The following MIDEAS variants were observed in gnomAD, a reference collection of about 807,000 sequenced individuals.
MIDEAS encodes mitotic deacetylase associated SANT domain protein, also known as mitotic deacetylase-associated SANT domain protein.
A neutral mutation model predicts 102.7 loss-of-function variants in MIDEAS; 26 were observed. The observed-to-expected ratio is 0.25, with a 90% CI of 0.19 to 0.35. The LOEUF (loss-of-function observed/expected upper bound fraction) is 0.35, where lower values mean the gene tolerates loss of function less well. Among genes scored for constraint, MIDEAS ranks in the 10% least tolerant of loss-of-function variants. The pLI, the probability that MIDEAS is intolerant of heterozygous loss-of-function variation, is 1.00. For missense variants in MIDEAS, 1,231 were observed against 1,435.6 expected (o/e 0.86, Z 2.30); for synonymous variants, 585 against 591.0 (o/e 0.99, Z 0.15).
At position 73,778,356 on chromosome 14, in the gene MIDEAS, CTG is replaced by C. The variant is rs2053710612; in HGVS notation, c.-248+8744_-248+8745del. Among the ~76,000 whole-genome samples, 2 of 149,498 alleles carry C rather than the reference CTG, an allele frequency of 1.3e-5. 1 individual carries two copies. Among genetic ancestry groups the C allele is most frequent in the Admixed American group, 1.3e-4 (2 of 15,048 alleles). On this transcript the variant is annotated intron_variant, in intron 1 of 11. Coordinates refer to the MIDEAS transcript ENST00000394071. ...CCAGCCTGGGCGACAGAGCGAGACT[CTG>C]TCTCAAAAAAAAAAAAAACGTGATG... is the stretch of plus-strand genomic sequence containing the variant.
At chr14:73,763,036 A>C (rs888155371), upstream of MIDEAS, among the ~76,000 whole-genome samples, 5 of 152,152 alleles carry the variant, frequency 3.3e-5, no homozygotes, top group African/African-American at 1.2e-4. Flanking sequence ...CTAGACCATT[A>C]AAATCTTCCA....
chr14:73,727,442 G>A lies in MIDEAS; in HGVS notation c.2162+16C>T. 1 of 1,613,844 alleles carries A rather than the reference G, an allele frequency of 6.2e-7. No homozygotes were observed. Among genetic ancestry groups the A allele is most frequent in the South Asian group, 1.1e-5 (1 of 91,084 alleles). On this transcript the variant is annotated intron_variant, in intron 5 of 12. Coordinates refer to ENST00000423556, the MANE Select transcript of MIDEAS (RefSeq NM_001367710.1). ...GGCCACCCACACCCCTCGGCCAGGG[G>A]CAGGGCTGCACTTACGGCTCGATGC...
chr14:73,737,773 C>CTTTT (rs5809628), intron 2 of MIDEAS, among the ~76,000 whole-genome samples: 2 of 89,244 alleles, frequency 2.2e-5, no homozygotes, highest in African/African-American at 7.5e-5. Flanking sequence ...TCTCCGACCA[C>CTTTT]TTTTTTTTTT....
intron 3 of MIDEAS, among the ~76,000 whole-genome samples, chr14:73,736,128 A>C (rs1244453521): frequency 6.6e-6 from 1 of 151,920 alleles, no homozygotes; most frequent in Non-Finnish European, 1.5e-5. Flanking sequence ...TCCAGCCTGG[A>C]GGACAAGAGC....
chr14:73,768,798 T>G (rs2053614800), intron 1 of MIDEAS, among the ~76,000 whole-genome samples: 1 of 152,210 alleles, frequency 6.6e-6, no homozygotes, highest in Admixed American at 6.5e-5. Flanking sequence ...TGCCAATATT[T>G]TTTTTAAATC....
chr14:73,718,837 C>T lies in MIDEAS; in HGVS notation c.*6G>A. On this transcript the variant is annotated 3_prime_UTR_variant, in exon 13 of 13. Coordinates refer to ENST00000423556, the MANE Select transcript of MIDEAS (RefSeq NM_001367710.1). ...GCCCAGGACTGGGCCAGCCTGGCTCCCGCGCTCAGCCCTTGTCGCCCGCAC... is the reference window on the plus strand; with the variant it reads ...GCCCAGGACTGGGCCAGCCTGGCTCTCGCGCTCAGCCCTTGTCGCCCGCAC... 3.5e-6 allele frequency: 5 copies of T among 1,445,514 alleles called. No individual in the cohort carries two copies. The highest frequency in any genetic ancestry group is 4.5e-6 in the Non-Finnish European group (5 of 1,108,370). 89.5% of individuals were successfully genotyped at this position (1,445,514 alleles called of 1,614,324 possible). A position where few individuals can be genotyped will look rare whatever the true frequency, so the allele number is the denominator to read the frequency against.
At chr14:73,733,121 T>G (rs1329670670) in intron 3 of MIDEAS, among the ~76,000 whole-genome samples, 2 of 151,532 alleles carry the variant, frequency 1.3e-5, no homozygotes, top group Non-Finnish European at 2.9e-5. Context: ...AAAACAAAGC[T>G]GAAGTTTAGG....
chr14:73,780,341 C>T (rs899358570), intron 1 of MIDEAS, among the ~76,000 whole-genome samples: 1 of 152,192 alleles, frequency 6.6e-6, no homozygotes, highest in African/African-American at 2.4e-5. Flanking sequence ...AGGATTTCTT[C>T]CACCATCTCT....
intron 1 of MIDEAS, among the ~76,000 whole-genome samples, chr14:73,758,575 C>T (rs1035897177): frequency 6.6e-6 from 1 of 152,246 alleles, no homozygotes; most frequent in Admixed American, 6.5e-5. Flanking sequence ...CCGGGGCCTC[C>T]GTGGCCAGCC....
intron 1 of MIDEAS, among the ~76,000 whole-genome samples, chr14:73,755,313 A>T (rs1346528681): frequency 6.6e-6 from 1 of 151,260 alleles, no homozygotes; most frequent in Non-Finnish European, 1.5e-5. Flanking sequence ...CCTCAGGGAG[A>T]CCCCCAGCCC....
chr14:73,767,096 C>A (rs1048577749), intron 1 of MIDEAS, among the ~76,000 whole-genome samples: 17 of 151,974 alleles, frequency 1.1e-4, no homozygotes, highest in African/African-American at 3.9e-4. Flanking sequence ...CTCAAGTGAT[C>A]CGCTGGCCTC....
chr14:73,727,143 C>A, intron 5 of MIDEAS, 171 bp from the exon 6 acceptor site: 1 of 821,166 alleles, frequency 1.2e-6, no homozygotes, highest in Non-Finnish European at 1.9e-6. Context: ...CTGGCACCAC[C>A]AGAAAGGCAA....
At chr14:73,723,605 A>G (rs1462351497) in intron 9 of MIDEAS, 1 of 152,248 alleles carries the variant, frequency 6.6e-6, no homozygotes. Context: ...ATCAGAGAAC[A>G]AGAGAGAGCT....
At chr14:73,764,267 G>A (rs2053575260), upstream of MIDEAS, among the ~76,000 whole-genome samples, 1 of 149,400 alleles carries the variant, frequency 6.7e-6, no homozygotes, top group Non-Finnish European at 1.5e-5. Flanking sequence ...TTGAACCCAG[G>A]TGATGGAGGT....
intron 1 of MIDEAS, chr14:73,754,758 G>A (rs996730201): frequency 6.6e-6 from 1 of 152,154 alleles, no homozygotes; most frequent in East Asian, 1.9e-4. Flanking sequence ...ATGCCGTCTC[G>A]GGGTTGCAAG....
chr14:73,758,675 C>T (rs2053516152), intron 1 of MIDEAS: 1 of 154,470 alleles, frequency 6.5e-6, no homozygotes, highest in African/African-American at 2.4e-5. Context: ...GAAGCAGCCA[C>T]CGTAGTTGTG....
intron 1 of MIDEAS, among the ~76,000 whole-genome samples, chr14:73,757,434 A>G (rs1257772666): frequency 1.3e-5 from 2 of 152,216 alleles, no homozygotes; most frequent in African/African-American, 4.8e-5. Context: ...GAGATACTGT[A>G]TAGGAACTCT....
chr14:73,739,719 C>G lies in MIDEAS; in HGVS notation c.290G>C (p.Trp97Ser). Residue 97 changes from tryptophan to serine, a missense_variant, in exon 2 of 13, where the codon TGG becomes TCG. Transcript: ENST00000423556. Reference sequence around the variant, plus strand: ...CCCTGGAGCCATCACAGAGTTGGGCCACTTTACTGAGGCCACCTGCTGGGA... The same window carrying G: ...CCCTGGAGCCATCACAGAGTTGGGCGACTTTACTGAGGCCACCTGCTGGGA... ...MLSQQVASVK[W>S]PNSVMAPGRG... The G allele has an allele frequency of 6.2e-7, 1 of 1,613,948 alleles. No individual in the cohort carries two copies. Among genetic ancestry groups the G allele is most frequent in the Non-Finnish European group, 8.5e-7 (1 of 1,180,014 alleles).
rs367952461 is a variant in MIDEAS at position 73,719,420 on chromosome 14, C to T, written c.3019G>A (p.Glu1007Lys). ...AGGQASEKPR[E>K]GTGKSRRALP... ...GCCCTTCGTGACTTCCCTGTCCCTT[C>T]CCTTGGCTTCTCCGAGGCCTGGCCA... The change falls in exon 12 of 13, where the codon GAA becomes AAA. Residue 1007 changes from glutamate (E) to lysine (K), a missense_variant. This residue lies in a region of MIDEAS where 391 missense variants were observed against 483.0 expected (regional missense o/e 0.81). Coordinates refer to ENST00000423556, the MANE Select transcript of MIDEAS (RefSeq NM_001367710.1). 6.2e-5 allele frequency: 100 copies of T among 1,614,000 alleles called. No individual in the cohort carries two copies. The highest frequency in any genetic ancestry group is 8.3e-5 in the Non-Finnish European group (98 of 1,180,040).
Sources: allele counts gnomAD v4.1 joint callset (sites outside exome capture counted in the v4.1 genomes callset), GRCh38; gene constraint gnomAD v4.1.1; regional missense constraint gnomAD v4.1.1; transcripts MANE v1.5; gene names NCBI Gene and HGNC (gene_info 2026-07-23, HGNC 2026-07-21).